Variants in HNRNPH1 observed in about 807,000 individuals in gnomAD.
HNRNPH1 encodes heterogeneous nuclear ribonucleoprotein H.
A neutral mutation model predicts 58.6 loss-of-function variants in HNRNPH1; 4 were observed. The observed-to-expected ratio is 0.07, with a 90% CI of 0.03 to 0.16. The LOEUF (loss-of-function observed/expected upper bound fraction) is 0.16, where lower values mean the gene tolerates loss of function less well. Among genes scored for constraint, HNRNPH1 ranks in the 10% least tolerant of loss-of-function variants. The pLI is 1.00. For synonymous variants in HNRNPH1, 192 were observed against 189.2 expected, an observed-to-expected ratio of 1.01 and a Z score of -0.12; for missense variants, 271 against 564.2, an observed-to-expected ratio of 0.48 and a Z score of 5.26.
exon 7 of HNRNPH1, chr5:179,617,901 A>G: frequency 1.9e-6 from 3 of 1,614,068 alleles, no homozygotes; most frequent in Non-Finnish European, 2.5e-6. Flanking sequence ...CGTATCTGTG[A>G]TCAGACATTC....
At position 179,617,658 on chromosome 5, in the gene HNRNPH1, C is replaced by A. The variant is rs1770440967; in HGVS notation, c.922-9G>T. On this transcript the variant is annotated splice_polypyrimidine_tract_variant and intron_variant, in intron 7 of 12. Coordinates refer to ENST00000356731, the Ensembl canonical transcript of HNRNPH1. ...TTGAGCGGTGAAAAAAACTACAACA[C>A]AAGGCATTTCAAAGAATTCAACCAA... 2 of 1,609,902 alleles carry A rather than the reference C, an allele frequency of 1.2e-6. No homozygotes were observed. Among genetic ancestry groups the A allele is most frequent in the Non-Finnish European group, 1.7e-6 (2 of 1,178,322 alleles).
chr5:179,632,851 ATTTTT>A (rs56128695), intron 2 of HNRNPH1, among the ~76,000 whole-genome samples: 5 of 57,564 alleles, frequency 8.7e-5, no homozygotes, highest in Admixed American at 8.3e-4. Flanking sequence ...AGCCCGGCGA[ATTTTT>A]TTTTTTTTTT....
At chr5:179,632,625 G>A (rs1405354724) in intron 2 of HNRNPH1, among the ~76,000 whole-genome samples, 3 of 152,238 alleles carry the variant, frequency 2.0e-5, no homozygotes, top group Non-Finnish European at 4.4e-5. Context: ...GACCGAGCAC[G>A]CCCTCTCCGG....
chr5:179,619,058 A>G (rs1297070239), intron 4 of HNRNPH1: 1 of 421,986 alleles, frequency 2.4e-6, no homozygotes, highest in Non-Finnish European at 4.3e-6. Context: ...GACTCACAAA[A>G]TTGTCAAGCA....
chr5:179,626,900 C>T (rs1048504420), upstream of HNRNPH1, among the ~76,000 whole-genome samples: 3 of 151,636 alleles, frequency 2.0e-5, no homozygotes, highest in East Asian at 4.0e-4. Flanking sequence ...CTCAGCCTCC[C>T]GAGTAGAGTA....
exon 1 of HNRNPH1, chr5:179,624,417 C>T (rs1013096298): frequency 1.5e-5 from 6 of 397,618 alleles, no homozygotes; most frequent in Non-Finnish European, 2.2e-5. Context: ...ACCCTGTGTA[C>T]CCCTTGACCC....
intron 2 of HNRNPH1, among the ~76,000 whole-genome samples, chr5:179,632,216 G>A (rs971434204): frequency 3.9e-5 from 6 of 152,056 alleles, no homozygotes; most frequent in Non-Finnish European, 5.9e-5. Context: ...GCTGAGGCAG[G>A]AGAATGGCGT....
At chr5:179,615,002 T>C (rs770743958) in intron 12 of HNRNPH1, 43 bp from the exon 14 acceptor site, 9 of 1,118,690 alleles carry the variant, frequency 8.0e-6, no homozygotes, top group Non-Finnish European at 1.2e-5. Flanking sequence ...AATATCAGAC[T>C]ACCAGTCAAA....
At chr5:179,626,239 A>C (rs888887301), upstream of HNRNPH1, among the ~76,000 whole-genome samples, 3 of 151,764 alleles carry the variant, frequency 2.0e-5, no homozygotes, top group Non-Finnish European at 2.9e-5. Flanking sequence ...AAGTAGAGGG[A>C]TTACAGGTGT....
intron 12 of HNRNPH1, chr5:179,615,280 G>A (rs761076410): frequency 3.9e-5 from 17 of 440,004 alleles, no homozygotes; most frequent in Non-Finnish European, 5.7e-5. Context: ...GCTAAACAAG[G>A]CATTTTTAAA....
chr5:179,625,167 T>G (rs1774252726), upstream of HNRNPH1, among the ~76,000 whole-genome samples: 1 of 152,120 alleles, frequency 6.6e-6, no homozygotes, highest in African/African-American at 2.4e-5. Context: ...ACACCTGTGG[T>G]ACCATTTCAG....
intron 2 of HNRNPH1, among the ~76,000 whole-genome samples, chr5:179,633,073 G>T (rs554335613): frequency 6.6e-5 from 10 of 151,902 alleles, no homozygotes; most frequent in Non-Finnish European, 1.5e-4. Context: ...TGATCAAGAT[G>T]ATCTCAATCT....
intron 2 of HNRNPH1, among the ~76,000 whole-genome samples, chr5:179,632,633 C>T (rs1034878161): frequency 3.9e-5 from 6 of 152,232 alleles, no homozygotes; most frequent in African/African-American, 1.2e-4. Flanking sequence ...ACGCCCTCTC[C>T]GGTTCACGCT....
intron 2 of HNRNPH1, among the ~76,000 whole-genome samples, chr5:179,632,495 T>C (rs1221925421): frequency 6.6e-6 from 1 of 152,152 alleles, no homozygotes; most frequent in East Asian, 1.9e-4. Flanking sequence ...CGAGTCCGGC[T>C]CCACAACCAC....
intron 2 of HNRNPH1, among the ~76,000 whole-genome samples, chr5:179,630,639 C>A (rs773634565): frequency 6.6e-6 from 1 of 151,642 alleles, no homozygotes; most frequent in African/African-American, 2.4e-5. Flanking sequence ...CGGCCTGACG[C>A]GGGGGCTCAC....
At chr5:179,615,054 G>T in intron 12 of HNRNPH1, 95 bp from the exon 14 acceptor site, 1 of 786,202 alleles carries the variant, frequency 1.3e-6, no homozygotes, top group Non-Finnish European at 2.2e-6. Context: ...AAGTATACGA[G>T]TACAAATGGC....
chr5:179,623,837 G>C (rs907767973), exon 1 of HNRNPH1: 2 of 152,386 alleles, frequency 1.3e-5, no homozygotes, highest in Admixed American at 1.3e-4. Context: ...CTTGGGTTTT[G>C]GGCTCAGCAC....
intron 10 of HNRNPH1, 174 bp from the exon 12 acceptor site, chr5:179,616,392 A>G (rs1255733912): frequency 2.3e-5 from 14 of 614,522 alleles, no homozygotes; most frequent in Non-Finnish European, 3.8e-5. Context: ...CCATCATTTG[A>G]GCCAGTCAAA....
At chr5:179,626,837 G>T (rs1325556223), upstream of HNRNPH1, among the ~76,000 whole-genome samples, 4 of 147,206 alleles carry the variant, frequency 2.7e-5, no homozygotes, top group Non-Finnish European at 5.9e-5. Flanking sequence ...GTACAATGGC[G>T]CGATCTCCGC....
Sources: allele counts gnomAD v4.1 joint callset (sites outside exome capture counted in the v4.1 genomes callset), GRCh38; gene constraint gnomAD v4.1.1; transcripts MANE v1.5; gene names NCBI Gene and HGNC (gene_info 2026-07-23, HGNC 2026-07-21).